The following ZSWIM2 variants were observed in gnomAD, a reference collection of about 807,000 sequenced individuals.
ZSWIM2 encodes E3 ubiquitin-protein ligase ZSWIM2.
In ZSWIM2, 38 loss-of-function variants were observed where a neutral mutation model predicts 48.4. That is an observed-to-expected ratio of 0.79 (90% CI 0.61 to 1.03). The LOEUF is 1.03. ZSWIM2 is among the 50% of genes least tolerant of loss of function. The pLI is 0.00. For missense variants in ZSWIM2, 776 were observed against 730.2 expected (o/e 1.06, Z -0.72); for synonymous variants, 240 against 251.3 (o/e 0.96, Z 0.42).
intron 6 of ZSWIM2, 120 bp from the exon 7 acceptor site, chr2:186,833,352 A>T: frequency 2.0e-6 from 1 of 491,936 alleles, no homozygotes; most frequent in Admixed American, 4.2e-5. Flanking sequence ...AAGCATATAT[A>T]TTATTTTTCA....
rs755683856 is a variant in ZSWIM2 at position 186,847,794 on chromosome 2, A to G, written c.167T>C (p.Val56Ala). 1 of 1,604,516 alleles carries G rather than the reference A, an allele frequency of 6.2e-7. No homozygotes were observed. The change falls in exon 2 of 9, where the codon GTT (valine) becomes GCT (alanine). Residue 56 changes from valine to alanine, a missense_variant and splice_region_variant. Coordinates refer to ENST00000295131, the MANE Select transcript of ZSWIM2 (RefSeq NM_182521.3). ...ACAAACGTGAGGATTTCCTAGAAAA[A>G]CCTTTAAAGGAAAAATGCATACTTA... ...EEEPEYMDFR[V>A]FLGNPHVCNC...
chr2:186,834,282 C>T (rs537422051), intron 5 of ZSWIM2, among the ~76,000 whole-genome samples: 2 of 152,182 alleles, frequency 1.3e-5, no homozygotes, highest in East Asian at 3.9e-4. Context: ...GTGTTAAAAC[C>T]AAGGGGTTGG....
chr2:186,832,395 T>TA (rs1351770683), intron 7 of ZSWIM2, among the ~76,000 whole-genome samples: 3 of 152,240 alleles, frequency 2.0e-5, no homozygotes, highest in Admixed American at 2.0e-4. Context: ...GTGCTAGGAT[T>TA]ACAGGCGTGA....
chr2:186,842,755 G>A (rs947872537), intron 3 of ZSWIM2, among the ~76,000 whole-genome samples: 8 of 151,450 alleles, frequency 5.3e-5, no homozygotes, highest in African/African-American at 1.5e-4. Flanking sequence ...AATTTGACGA[G>A]TGTGACTGAC....
intron 7 of ZSWIM2, 79 bp downstream of exon 7, chr2:186,833,041 T>A: frequency 1.7e-6 from 1 of 605,260 alleles, no homozygotes; most frequent in Non-Finnish European, 2.7e-6. Context: ...AATAAAAGAA[T>A]AAATAAAACT....
intron 7 of ZSWIM2, among the ~76,000 whole-genome samples, chr2:186,831,156 G>A (rs139387264): frequency 6.0e-4 from 91 of 152,004 alleles, no homozygotes; most frequent in Non-Finnish European, 1.0e-3. Context: ...AAGTCCAACC[G>A]TTAGTTATAC....
intron 2 of ZSWIM2, among the ~76,000 whole-genome samples, chr2:186,846,804 C>CATATATATATATATATATAT (rs1482636097): frequency 2.5e-5 from 1 of 39,778 alleles, no homozygotes; most frequent in African/African-American, 1.3e-4. Flanking sequence ...TATACACACA[C>CATATATATATATATATATAT]ACACACATAT....
chr2:186,842,450 G>T (rs1244212897), intron 3 of ZSWIM2, among the ~76,000 whole-genome samples: 1 of 151,006 alleles, frequency 6.6e-6, no homozygotes, highest in Non-Finnish European at 1.5e-5. Flanking sequence ...AAATTATAAA[G>T]GATTAATTTT....
chr2:186,846,810 C>CATAT lies in ZSWIM2; in HGVS notation c.242+905_242+908dup, dbSNP rs36111849. Among the ~76,000 whole-genome samples, 4 of 143,768 alleles carry CATAT rather than the reference C, an allele frequency of 2.8e-5. No homozygotes were observed. In the East Asian group the frequency reaches 5.9e-4, roughly 21 times the overall value. 94.3% of individuals were successfully genotyped at this position (143,768 alleles called of 152,430 possible). A position where few individuals can be genotyped will look rare whatever the true frequency, so the allele number is the denominator to read the frequency against. ...ACATATATATATACACACACACACA[C>CATAT]ATATATATATATATATAATGTAATA... On this transcript the variant is annotated intron_variant, in intron 2 of 8. Coordinates refer to ENST00000295131, the MANE Select transcript of ZSWIM2 (RefSeq NM_182521.3).
chr2:186,829,700 G>T (rs1438788054), intron 8 of ZSWIM2, 27 bp downstream of exon 8: 2 of 1,597,984 alleles, frequency 1.3e-6, no homozygotes, highest in East Asian at 4.5e-5. Context: ...TACAGGGAAA[G>T]TAAAACTAAA....
At chr2:186,842,403 C>A (rs2167395) in intron 3 of ZSWIM2, among the ~76,000 whole-genome samples, 1 of 151,240 alleles carries the variant, frequency 6.6e-6, no homozygotes, top group Non-Finnish European at 1.5e-5. Flanking sequence ...ATACAAGACA[C>A]AAAAAATCTT....
At chr2:186,830,320 T>C (rs933362192) in intron 7 of ZSWIM2, among the ~76,000 whole-genome samples, 2 of 152,104 alleles carry the variant, frequency 1.3e-5, no homozygotes, top group African/African-American at 4.8e-5. Context: ...AGGTGGAGGT[T>C]GCAGTGAGCC....
Position 186,828,558 on chromosome 2 carries a change from C to A in ZSWIM2, c.1328G>T (p.Ser443Ile). 6.2e-7 allele frequency: 1 copy of A among 1,613,166 alleles called. No homozygotes were observed. Among genetic ancestry groups the A allele is most frequent in the Non-Finnish European group, 8.5e-7 (1 of 1,179,492 alleles). Residue 443 changes from serine to isoleucine, a missense_variant, in exon 9 of 9, where the codon AGC becomes ATC. Transcript: ENST00000295131. ...LKQNRLGILP[S>I]IPQCNFDELN... ...TTCATCAAAATTACACTGAGGTATG[C>A]TAGGTAAAATTCCAAGTCTATTTTG...
intron 2 of ZSWIM2, among the ~76,000 whole-genome samples, chr2:186,846,742 G>T (rs1314008664): frequency 6.7e-6 from 1 of 149,826 alleles, no homozygotes; most frequent in African/African-American, 2.5e-5. Flanking sequence ...TATCCATAAT[G>T]GTGGGCATAA....
intron 3 of ZSWIM2, among the ~76,000 whole-genome samples, chr2:186,844,318 G>C (rs1243934109): frequency 1.3e-5 from 2 of 151,324 alleles, no homozygotes; most frequent in African/African-American, 4.8e-5. Context: ...AAACATTTTT[G>C]AATAAAATAA....
rs1192210916 is a variant in ZSWIM2 at position 186,827,818 on chromosome 2, G to A, written c.*166C>T. Reference sequence around the variant, plus strand: ...ACACCTAATGCTGTAAGTCATATAAGTAATAGAATCATTTCCTTTAAGTGT... The same window carrying A: ...ACACCTAATGCTGTAAGTCATATAAATAATAGAATCATTTCCTTTAAGTGT... On this transcript the variant is annotated 3_prime_UTR_variant, in exon 9 of 9. Coordinates refer to ENST00000295131, the MANE Select transcript of ZSWIM2 (RefSeq NM_182521.3). The A allele has an allele frequency of 4.0e-6, 2 of 494,074 alleles. No homozygotes were observed. The highest frequency in any genetic ancestry group is 7.0e-6 in the Non-Finnish European group (2 of 285,570). The allele number at this position is 494,074 out of a possible 1,614,324, so 30.6% of individuals were successfully genotyped here.
chr2:186,845,012 A>G (rs1691971170), intron 2 of ZSWIM2, among the ~76,000 whole-genome samples: 1 of 151,658 alleles, frequency 6.6e-6, no homozygotes, highest in Non-Finnish European at 1.5e-5. Flanking sequence ...GAGAGAGTCC[A>G]TGTATTTCTT....
rs866692078 is a variant in ZSWIM2 at position 186,828,660 on chromosome 2, G to A, written c.1226C>T (p.Ser409Leu). 6.2e-7 allele frequency: 1 copy of A among 1,613,134 alleles called. No individual in the cohort carries two copies. The highest frequency in any genetic ancestry group is 1.7e-4 in the Middle Eastern group (1 of 6,052). The change falls in exon 9 of 9, where the codon TCA becomes TTA. Residue 409 changes from serine (S) to leucine (L), a missense_variant. By Grantham distance (145) the Ser-to-Leu change is moderately radical. Coordinates refer to ENST00000295131, the MANE Select transcript of ZSWIM2 (RefSeq NM_182521.3). Reference sequence around the variant, plus strand: ...TGATAGATGAATGATGTCTCTGTTTGAAACAGACTGATGTGCTTGTCCATT... The same window carrying A: ...TGATAGATGAATGATGTCTCTGTTTAAAACAGACTGATGTGCTTGTCCATT... ...AVNGQAHQSV[S>L]NRDIIHLSKQ...
chr2:186,838,939 C>A lies in ZSWIM2; in HGVS notation c.494+20G>T. ...AGAATTTTTAATTAGTTTTAAGAAT[C>A]TAAAGAAAAAGTACATCACCTGCAA... On this transcript the variant is annotated intron_variant, in intron 4 of 8. Transcript: ENST00000295131. 1.3e-6 allele frequency: 2 copies of A among 1,592,950 alleles called. No individual in the cohort carries two copies. The highest frequency in any genetic ancestry group is 1.7e-6 in the Non-Finnish European group (2 of 1,170,548).
Sources: allele counts gnomAD v4.1 joint callset (sites outside exome capture counted in the v4.1 genomes callset), GRCh38; gene constraint gnomAD v4.1.1; transcripts MANE v1.5; gene names NCBI Gene and HGNC (gene_info 2026-07-23, HGNC 2026-07-21).